CSMD1: variants seen among roughly 807,000 people sequenced by gnomAD.
The protein encoded by CSMD1 is CUB and sushi domain-containing protein 1.
CSMD1 carries 213 observed loss-of-function variants against 417.5 expected under a neutral mutation model. That is an observed-to-expected ratio of 0.51 (90% CI 0.46 to 0.57). The LOEUF is 0.57. Ranked by LOEUF, CSMD1 falls within the 20% of genes least tolerant of loss-of-function variation. The pLI, the probability that CSMD1 is intolerant of heterozygous loss-of-function variation, is 0.00. For missense variants in CSMD1, 6,923 were observed against 4,529.7 expected (o/e 1.53, Z -15.17); for synonymous variants, 2,862 against 1,736.8 (o/e 1.65, Z -16.11).
intron 1 of CSMD1, among the ~76,000 whole-genome samples, chr8:4,771,301 T>C (rs962553433): frequency 1.3e-5 from 2 of 152,314 alleles, no homozygotes; most frequent in African/African-American, 2.4e-5. Flanking sequence ...CCATATCTAA[T>C]TGTATTAAAG....
intron 25 of CSMD1, 38 bp downstream of exon 25, chr8:3,307,657 C>G (rs755900241): frequency 4.4e-6 from 7 of 1,601,634 alleles, no homozygotes; most frequent in Non-Finnish European, 5.1e-6. Context: ...AGGCATATCT[C>G]TTTTCTCAAA....
Position 4,471,146 on chromosome 8 carries a change from C to G in CSMD1, c.303-51081G>C, listed in dbSNP as rs113788106. Among the ~76,000 whole-genome samples, 264 of 152,242 alleles carry G rather than the reference C, an allele frequency of 1.7e-3. 1 individual carries two copies. The highest frequency in any genetic ancestry group is 5.9e-3 in the African/African-American group (244 of 41,540). On this transcript the variant is annotated intron_variant, in intron 2 of 69. Coordinates refer to ENST00000635120, the MANE Select transcript of CSMD1 (RefSeq NM_033225.6). ...AAAATTATCCTTCAACAGAACAGAA[C>G]CATTATCACATGCCAGGCCTTACTG...
At chr8:4,018,302 G>A (rs972872294) in intron 4 of CSMD1, among the ~76,000 whole-genome samples, 2 of 151,890 alleles carry the variant, frequency 1.3e-5, no homozygotes, top group African/African-American at 4.9e-5. Context: ...ACAGTCTGTG[G>A]CCATTTTTAT....
chr8:4,160,085 T>A (rs575189254), intron 3 of CSMD1, among the ~76,000 whole-genome samples: 223 of 120,394 alleles, frequency 1.9e-3, no homozygotes, highest in African/African-American at 5.9e-3. Flanking sequence ...GTATGGAATT[T>A]AAAAAAAAAA....
At chr8:4,689,491 A>C (rs1246600560) in intron 1 of CSMD1, among the ~76,000 whole-genome samples, 2 of 152,186 alleles carry the variant, frequency 1.3e-5, no homozygotes, top group Admixed American at 6.5e-5. Flanking sequence ...TTTCTTTATG[A>C]CGTATTTCTT....
chr8:4,211,343 A>G (rs1038166699), intron 3 of CSMD1, among the ~76,000 whole-genome samples: 1 of 151,846 alleles, frequency 6.6e-6, no homozygotes, highest in South Asian at 2.1e-4. Flanking sequence ...ATTTCTTTAC[A>G]TTTCTTTTAT....
At chr8:3,114,869 A>G (rs1018207293) in intron 42 of CSMD1, among the ~76,000 whole-genome samples, 1 of 151,078 alleles carries the variant, frequency 6.6e-6, no homozygotes, top group Non-Finnish European at 1.5e-5. Context: ...TCTGCTTACA[A>G]AATCTGTCAA....
At chr8:4,940,460 G>A (rs1201960585) in intron 1 of CSMD1, among the ~76,000 whole-genome samples, 1 of 152,208 alleles carries the variant, frequency 6.6e-6, no homozygotes, top group African/African-American at 2.4e-5. Flanking sequence ...ATATACAAGA[G>A]TTGGGAAGGG....
At chr8:3,703,558 G>A (rs886868512) in intron 7 of CSMD1, among the ~76,000 whole-genome samples, 2 of 152,170 alleles carry the variant, frequency 1.3e-5, no homozygotes, top group East Asian at 1.9e-4. Flanking sequence ...TGTGGGTCAT[G>A]GATGGGAAAA....
intron 5 of CSMD1, among the ~76,000 whole-genome samples, chr8:3,824,224 G>C (rs1185862045): frequency 6.6e-6 from 1 of 151,002 alleles, no homozygotes; most frequent in South Asian, 2.1e-4. Context: ...TGATTTATCT[G>C]AGAAAGAAAT....
chr8:2,974,063 GTGGTAGAGGATGA>G (rs71199521), intron 56 of CSMD1, among the ~76,000 whole-genome samples: 3,285 of 82,488 alleles, frequency 0.04, 70 homozygotes, highest in East Asian at 0.14. Context: ...GTAGAGGATG[GTGGTAGAGGATGA>G]TGGTAGAGGA....
At chr8:4,445,665 A>G (rs892495710) in intron 2 of CSMD1, among the ~76,000 whole-genome samples, 20 of 152,334 alleles carry the variant, frequency 1.3e-4, no homozygotes, top group Middle Eastern at 6.8e-3. Flanking sequence ...TGAAGCCACT[A>G]GAGAACATTA....
chr8:3,740,970 C>A (rs1272171272), intron 6 of CSMD1, among the ~76,000 whole-genome samples: 1 of 152,046 alleles, frequency 6.6e-6, no homozygotes, highest in Non-Finnish European at 1.5e-5. Flanking sequence ...AACCCCAGCA[C>A]TTTGGAGGCC....
chr8:2,997,618 G>C (rs1807023092), intron 54 of CSMD1, among the ~76,000 whole-genome samples: 2 of 152,088 alleles, frequency 1.3e-5, no homozygotes, highest in Admixed American at 6.5e-5. Flanking sequence ...TACGTTTAAA[G>C]AAATGAATCA....
At chr8:3,565,620 A>T (rs1273374345) in intron 10 of CSMD1, among the ~76,000 whole-genome samples, 1 of 152,210 alleles carries the variant, frequency 6.6e-6, no homozygotes, top group African/African-American at 2.4e-5. Flanking sequence ...GTTCTTTAAA[A>T]AAACCATTGA....
chr8:4,454,025 T>C (rs1052813543), intron 2 of CSMD1, among the ~76,000 whole-genome samples: 1 of 151,780 alleles, frequency 6.6e-6, no homozygotes, highest in Non-Finnish European at 1.5e-5. Context: ...GGTTTCACCG[T>C]GTTAGCCGGG....
intron 1 of CSMD1, among the ~76,000 whole-genome samples, chr8:4,919,304 G>A (rs1190718397): frequency 6.6e-6 from 1 of 152,102 alleles, no homozygotes; most frequent in African/African-American, 2.4e-5. Context: ...TTAGAACCAC[G>A]GGTTAGATGT....
At chr8:4,272,046 T>G (rs1243512042) in intron 3 of CSMD1, among the ~76,000 whole-genome samples, 1 of 152,154 alleles carries the variant, frequency 6.6e-6, no homozygotes, top group African/African-American at 2.4e-5. Flanking sequence ...AAATTGCATG[T>G]AAGTAGACCT....
intron 8 of CSMD1, among the ~76,000 whole-genome samples, chr8:3,612,122 G>C (rs943146396): frequency 1.3e-5 from 2 of 151,938 alleles, no homozygotes; most frequent in African/African-American, 4.8e-5. Flanking sequence ...ATATATTATA[G>C]ACTAACAATA....
Sources: gnomAD v4.1 joint callset for allele counts (sites outside exome capture counted in the v4.1 genomes callset) on GRCh38, gnomAD v4.1.1 for gene constraint, MANE v1.5 for transcripts, NCBI Gene and HGNC (gene_info 2026-07-23, HGNC 2026-07-21) for gene names.